DPP6: variants seen among roughly 807,000 people sequenced by gnomAD.
DPP6 encodes dipeptidyl peptidase like 6.
Under a neutral mutation model 122.6 loss-of-function variants are expected in DPP6, and 69 were observed. That is an observed-to-expected ratio of 0.56 (90% CI 0.46 to 0.69). The LOEUF (loss-of-function observed/expected upper bound fraction) is 0.69. DPP6 is among the 30% of genes least tolerant of loss of function. The pLI is 0.00. For synonymous variants in DPP6, 418 were observed against 433.1 expected, an observed-to-expected ratio of 0.97 and a Z score of 0.43; for missense variants, 928 against 1,116.9, an observed-to-expected ratio of 0.83 and a Z score of 2.41.
chr7:154,474,210 A>G (rs1484281668), intron 2 of DPP6, among the ~76,000 whole-genome samples: 1 of 151,758 alleles, frequency 6.6e-6, no homozygotes, highest in Non-Finnish European at 1.5e-5. Flanking sequence ...AGGAGCAAAA[A>G]CTCTAGAAGC....
chr7:154,260,224 C>G (rs1408799808), intron 1 of DPP6, among the ~76,000 whole-genome samples: 1 of 152,084 alleles, frequency 6.6e-6, no homozygotes, highest in Non-Finnish European at 1.5e-5. Flanking sequence ...GGGGCTTTAT[C>G]CTCAGTTCCG....
At position 154,880,923 on chromosome 7, in the gene DPP6, G is replaced by A. The variant is rs550563959; in HGVS notation, c.2114G>A (p.Arg705His). The change falls in exon 21 of 26, where the codon CGC becomes CAC. Residue 705 changes from arginine to histidine, a missense_variant. Transcript: ENST00000377770. ...AAGGAGCAGTACATTGACAGGACGC[G>A]CGTGGCCGTGTTTGGGAAGGTGAGT... ...MLKEQYIDRT[R>H]VAVFGKDYGG... 1.4e-5 allele frequency: 23 copies of A among 1,613,914 alleles called. No individual in the cohort carries two copies. Among genetic ancestry groups the A allele is most frequent in the South Asian group, 3.3e-5 (3 of 91,080 alleles).
At chr7:154,442,590 C>T (rs189853700) in intron 1 of DPP6, among the ~76,000 whole-genome samples, 21 of 152,098 alleles carry the variant, frequency 1.4e-4, no homozygotes, top group Admixed American at 2.6e-4. Flanking sequence ...AGGGTATGAG[C>T]GGAGTAGGGT....
Position 154,305,624 on chromosome 7 carries a change from GAGAGAC to G in DPP6, c.244-140578_244-140573del, listed in dbSNP as rs1326471402. 4.4e-5 allele frequency: 67 copies of G among 1,530,272 alleles called. 1 individual carries two copies. The East Asian group carries it at 1.2e-3, about 29-fold the overall frequency. 94.8% of individuals were successfully genotyped at this position (1,530,272 alleles called of 1,614,324 possible). On this transcript the variant is annotated intron_variant, in intron 1 of 25. Coordinates refer to ENST00000377770, the MANE Select transcript of DPP6 (RefSeq NM_130797.4). The stretch of plus-strand genomic sequence containing the variant: ...CATGCGTGCATATGTGTGTGCATGA[GAGAGAC>G]AGAGACAGAGAGGGAGGATATGTAT...
chr7:154,008,233 A>G (rs971449488), intron 1 of DPP6, among the ~76,000 whole-genome samples: 2 of 152,184 alleles, frequency 1.3e-5, no homozygotes, highest in African/African-American at 4.8e-5. Flanking sequence ...CACCCCTGAG[A>G]AACAAGAGAG....
At chr7:153,896,197 T>C (rs1393540594) in intron 1 of DPP6, among the ~76,000 whole-genome samples, 3 of 152,214 alleles carry the variant, frequency 2.0e-5, no homozygotes, top group Non-Finnish European at 2.9e-5. Flanking sequence ...CATTTTATGG[T>C]ATTGGTCCTA....
chr7:154,427,313 T>C (rs1817996894), intron 1 of DPP6, among the ~76,000 whole-genome samples: 1 of 152,256 alleles, frequency 6.6e-6, no homozygotes, highest in African/African-American at 2.4e-5. Flanking sequence ...AACCATAGTT[T>C]TTGTGGGACA....
At chr7:154,073,091 G>A (rs868324722) in intron 1 of DPP6, among the ~76,000 whole-genome samples, 1 of 152,216 alleles carries the variant, frequency 6.6e-6, no homozygotes, top group African/African-American at 2.4e-5. Context: ...TGGAGTAGCT[G>A]CACCTCAGCC....
chr7:154,838,987 C>A (rs528150713), intron 16 of DPP6: 2 of 152,298 alleles, frequency 1.3e-5, no homozygotes, highest in African/African-American at 2.4e-5. Context: ...CTTCCACTAA[C>A]CCTCACCAAC....
At chr7:154,484,792 TGAA>T (rs2151377120) in intron 3 of DPP6, among the ~76,000 whole-genome samples, 1 of 152,316 alleles carries the variant, frequency 6.6e-6, no homozygotes, top group African/African-American at 2.4e-5. Flanking sequence ...ACTGTAAAAT[TGAA>T]GAAAATTGCT....
chr7:154,787,882 T>C (rs990704759), intron 10 of DPP6, among the ~76,000 whole-genome samples: 2 of 152,206 alleles, frequency 1.3e-5, no homozygotes, highest in African/African-American at 4.8e-5. Context: ...ATAATATCCT[T>C]CCATTTCATC....
intron 7 of DPP6, among the ~76,000 whole-genome samples, chr7:154,701,106 C>CCTAT (rs1452586991): frequency 6.6e-6 from 1 of 152,188 alleles, no homozygotes; most frequent in Non-Finnish European, 1.5e-5. Flanking sequence ...TGACCCATTT[C>CCTAT]CTATGATCCT....
upstream of DPP6, among the ~76,000 whole-genome samples, chr7:153,884,368 C>A (rs1584979101): frequency 6.6e-6 from 1 of 152,168 alleles, no homozygotes; most frequent in Admixed American, 6.5e-5. Flanking sequence ...GCATAGTATT[C>A]CATGGTGTAT....
the DPP6 span, among the ~76,000 whole-genome samples, chr7:153,763,117 C>T: frequency 0.49 from 73,992 of 151,850 alleles, 18,397 homozygotes; most frequent in East Asian, 0.68. Context: ...GTGAAGATCC[C>T]GCCCTCACTT....
intron 1 of DPP6, among the ~76,000 whole-genome samples, chr7:154,028,738 G>A (rs1417265220): frequency 1.3e-5 from 2 of 152,098 alleles, no homozygotes; most frequent in African/African-American, 2.4e-5. Flanking sequence ...TGCCTGCTCC[G>A]ATCTTTCACT....
intron 16 of DPP6, among the ~76,000 whole-genome samples, chr7:154,841,403 C>T (rs184029573): frequency 3.3e-5 from 5 of 151,178 alleles, no homozygotes; most frequent in Non-Finnish European, 7.4e-5. Flanking sequence ...AACTGAAATA[C>T]TAAGTTCCTT....
chr7:154,515,626 C>T lies in DPP6; in HGVS notation c.458-24906C>T, dbSNP rs569127188. The stretch of plus-strand genomic sequence containing the variant: ...GAGTAGCTGGGACTACAGGCACGTG[C>T]TACCATGCTTGGCTAATTTTTTGTG... On this transcript the variant is annotated intron_variant, in intron 3 of 25. Coordinates refer to ENST00000377770, the MANE Select transcript of DPP6 (RefSeq NM_130797.4). Among the ~76,000 whole-genome samples, 20 of 152,230 alleles carry T rather than the reference C, an allele frequency of 1.3e-4. No homozygotes were observed. In the East Asian group the frequency reaches 1.9e-3, roughly 15 times the overall value.
chr7:154,051,382 G>T (rs191240662), upstream of DPP6, among the ~76,000 whole-genome samples: 3 of 148,890 alleles, frequency 2.0e-5, no homozygotes, highest in Non-Finnish European at 4.5e-5. Flanking sequence ...CGAGAGAGAC[G>T]CGTGCCCAGC....
intron 1 of DPP6, among the ~76,000 whole-genome samples, chr7:154,337,757 A>G (rs1809555280): frequency 6.6e-6 from 1 of 152,218 alleles, no homozygotes; most frequent in Non-Finnish European, 1.5e-5. Flanking sequence ...CAGAGTTTGC[A>G]CTTTGATGAG....
Sources: allele counts gnomAD v4.1 joint callset (sites outside exome capture counted in the v4.1 genomes callset), GRCh38; gene constraint gnomAD v4.1.1; transcripts MANE v1.5; gene names NCBI Gene and HGNC (gene_info 2026-07-23, HGNC 2026-07-21).